The following TENM4 variants were observed in gnomAD, a reference collection of about 807,000 sequenced individuals.
The protein encoded by TENM4 is teneurin transmembrane protein 4, also known as teneurin-4.
In TENM4, 82 loss-of-function variants were observed where a neutral mutation model predicts 243.3. That is an observed-to-expected ratio of 0.34 (90% CI 0.28 to 0.40). TENM4 has a LOEUF of 0.40. Ranked by LOEUF, TENM4 falls within the 10% of genes least tolerant of loss-of-function variation. The pLI is 1.00. For synonymous variants in TENM4, 1,412 were observed against 1,456.3 expected (o/e 0.97, Z 0.69); for missense variants, 3,138 against 3,673.3 (o/e 0.85, Z 3.77).
intron 6 of TENM4, among the ~76,000 whole-genome samples, chr11:78,992,117 G>T (rs1185586584): frequency 1.3e-5 from 2 of 152,182 alleles, no homozygotes. Context: ...TACTGCAGAG[G>T]CAGACTTCTG....
At chr11:79,308,542 A>G (rs1856664681) in intron 1 of TENM4, among the ~76,000 whole-genome samples, 1 of 152,246 alleles carries the variant, frequency 6.6e-6, no homozygotes, top group Non-Finnish European at 1.5e-5. Context: ...TTTATTACCC[A>G]TATTCACAGT....
intron 1 of TENM4, among the ~76,000 whole-genome samples, chr11:79,429,179 G>T (rs567583852): frequency 7.2e-5 from 11 of 152,306 alleles, no homozygotes; most frequent in Admixed American, 5.2e-4. Context: ...GCCAGGATCT[G>T]CTGTCTCAAT....
intron 6 of TENM4, among the ~76,000 whole-genome samples, chr11:79,058,028 T>C (rs1436116581): frequency 1.1e-4 from 17 of 152,220 alleles, no homozygotes; most frequent in Admixed American, 1.1e-3. Flanking sequence ...AATGTCATTT[T>C]TCTAGCATGT....
At chr11:78,778,883 A>G (rs949006284) in intron 16 of TENM4, among the ~76,000 whole-genome samples, 16 of 152,228 alleles carry the variant, frequency 1.1e-4, no homozygotes, top group Non-Finnish European at 2.2e-4. Flanking sequence ...ATGTGATCAC[A>G]GAAACAAGAA....
At chr11:78,804,377 G>A (rs1857346296) in intron 15 of TENM4, among the ~76,000 whole-genome samples, 2 of 152,132 alleles carry the variant, frequency 1.3e-5, no homozygotes, top group Non-Finnish European at 2.9e-5. Flanking sequence ...TATACTGTAG[G>A]GGCTCAGTAA....
At chr11:79,192,109 C>T (rs1383521441) in intron 3 of TENM4, among the ~76,000 whole-genome samples, 4 of 150,196 alleles carry the variant, frequency 2.7e-5, no homozygotes, top group Admixed American at 6.6e-5. Flanking sequence ...GGTCAGCCCC[C>T]CGCCCGGCCA....
chr11:78,832,444 C>T (rs1858005933), intron 12 of TENM4, among the ~76,000 whole-genome samples: 1 of 152,234 alleles, frequency 6.6e-6, no homozygotes, highest in Admixed American at 6.5e-5. Context: ...TGCGTATGCA[C>T]GCACACACAC....
chr11:79,341,739 T>C (rs539150082), intron 1 of TENM4, among the ~76,000 whole-genome samples: 1 of 152,338 alleles, frequency 6.6e-6, no homozygotes, highest in South Asian at 2.1e-4. Context: ...AAATGGAATG[T>C]CTGCCCTTGG....
chr11:79,392,050 T>C (rs1291948519), intron 1 of TENM4, among the ~76,000 whole-genome samples: 1 of 152,238 alleles, frequency 6.6e-6, no homozygotes, highest in Non-Finnish European at 1.5e-5. Context: ...CATTTACTTA[T>C]AACCAACACA....
intron 4 of TENM4, among the ~76,000 whole-genome samples, chr11:79,143,029 T>G (rs964793943): frequency 2.0e-5 from 3 of 151,968 alleles, no homozygotes; most frequent in Non-Finnish European, 4.4e-5. Context: ...GGAAACAACA[T>G]GTGCTGGAGA....
At chr11:78,783,875 G>C (rs1856884647) in intron 16 of TENM4, among the ~76,000 whole-genome samples, 1 of 152,164 alleles carries the variant, frequency 6.6e-6, no homozygotes, top group African/African-American at 2.4e-5. Context: ...AATGTCACTG[G>C]GGTAAAAAGG....
chr11:78,806,799 G>T (rs1857399050), intron 14 of TENM4, among the ~76,000 whole-genome samples: 2 of 152,178 alleles, frequency 1.3e-5, no homozygotes, highest in African/African-American at 4.8e-5. Flanking sequence ...ACTGTCTCCA[G>T]AACTCTTTTT....
chr11:78,691,652 AATTACATT>A, intron 28 of TENM4, among the ~76,000 whole-genome samples: 1 of 152,238 alleles, frequency 6.6e-6, no homozygotes, highest in East Asian at 1.9e-4. Context: ...TGTAAGGCAT[AATTACATT>A]GATCCTAAAG....
intron 12 of TENM4, among the ~76,000 whole-genome samples, chr11:78,850,221 G>C (rs1591069826): frequency 6.6e-6 from 1 of 152,102 alleles, no homozygotes; most frequent in African/African-American, 2.4e-5. Flanking sequence ...ATCATCAGCT[G>C]GATTGCATTA....
rs151127007 is a variant in TENM4 at position 79,026,549 on chromosome 11, C to T, written c.493+38189G>A. On this transcript the variant is annotated intron_variant, in intron 6 of 33. Transcript: ENST00000278550. ...AAAGTCAAACTTTGGAGAGATCAGA[C>T]GTCCTAGAACCTAATCAGTGGTGTT... Among the ~76,000 whole-genome samples the T allele has an allele frequency of 6.2e-3, 941 of 152,314 alleles. 11 individuals carry two copies. Among genetic ancestry groups the T allele is most frequent in the African/African-American group, 0.021 (888 of 41,560 alleles).
intron 18 of TENM4, among the ~76,000 whole-genome samples, chr11:78,757,974 T>A (rs1015728793): frequency 6.6e-6 from 1 of 152,192 alleles, no homozygotes; most frequent in African/African-American, 2.4e-5. Flanking sequence ...ACAAAGAAAG[T>A]CCACCAGATC....
chr11:78,881,089 A>AG (rs1400646115), intron 9 of TENM4, among the ~76,000 whole-genome samples: 15 of 152,208 alleles, frequency 9.9e-5, no homozygotes, highest in Non-Finnish European at 2.2e-4. Context: ...ATATGAAGGA[A>AG]GTGGCCTGGG....
At chr11:79,371,886 G>A (rs1255795901) in intron 1 of TENM4, among the ~76,000 whole-genome samples, 1 of 152,158 alleles carries the variant, frequency 6.6e-6, no homozygotes, top group East Asian at 1.9e-4. Context: ...TTATCCTGAT[G>A]ATTGGGGCAA....
At chr11:78,774,660 A>C (rs1414537200) in intron 17 of TENM4, among the ~76,000 whole-genome samples, 1 of 152,194 alleles carries the variant, frequency 6.6e-6, no homozygotes, top group African/African-American at 2.4e-5. Flanking sequence ...GTTCTGGCCT[A>C]ATATGGGGGG....
Sources: gnomAD v4.1 joint callset for allele counts (sites outside exome capture counted in the v4.1 genomes callset) on GRCh38, gnomAD v4.1.1 for gene constraint, MANE v1.5 for transcripts, NCBI Gene and HGNC (gene_info 2026-07-23, HGNC 2026-07-21) for gene names.